TACC2: variants seen among roughly 807,000 people sequenced by gnomAD.
TACC2 encodes transforming acidic coiled-coil containing protein 2, also known as transforming acidic coiled-coil-containing protein 2.
TACC2 carries 137 observed loss-of-function variants against 227.3 expected under a neutral mutation model. The ratio of observed to expected loss-of-function variants is 0.60; its 90% CI spans 0.52 to 0.69. The LOEUF (loss-of-function observed/expected upper bound fraction) is 0.69. TACC2 is among the 30% of genes least tolerant of loss of function. The pLI, the probability that TACC2 is intolerant of heterozygous loss-of-function variation, is 0.00. For missense variants in TACC2, 3,470 were observed against 3,694.4 expected (o/e 0.94, Z 1.57); for synonymous variants, 1,523 against 1,487.5 (o/e 1.02, Z -0.55).
chr10:122,152,307 C>T (rs768251622), intron 7 of TACC2, among the ~76,000 whole-genome samples: 2 of 152,146 alleles, frequency 1.3e-5, no homozygotes, highest in Non-Finnish European at 2.9e-5. Flanking sequence ...TGAATAAAAT[C>T]AGAATGATTT....
chr10:122,038,980 T>G (rs1368333263), intron 2 of TACC2, among the ~76,000 whole-genome samples: 1 of 152,136 alleles, frequency 6.6e-6, no homozygotes, highest in East Asian at 1.9e-4. Flanking sequence ...TTTGCTTTTT[T>G]TCTGTTTTGT....
At position 122,210,587 on chromosome 10, in the gene TACC2, T is replaced by G; in HGVS notation, c.6162T>G (p.Pro2054=). 6.2e-7 allele frequency: 1 copy of G among 1,614,058 alleles called. No homozygotes were observed. Among genetic ancestry groups the G allele is most frequent in the Non-Finnish European group, 8.5e-7 (1 of 1,179,998 alleles). The change falls in exon 9 of 23, where the codon CCT becomes CCG. Residue 2054 remains proline (P), a synonymous_variant. Coordinates refer to ENST00000369005, the MANE Select transcript of TACC2 (RefSeq NM_206862.4). The surrounding 1 kb of genome is among the most constrained non-coding windows in gnomAD (Gnocchi z 4.6). ...ELVDTFQTLE[P]RASDAKNQEG... Reference sequence around the variant, plus strand: ...TGGATACCTTTCAGACCTTGGAGCCTCGTGCCTCAGACGCTAAGAATCAGG... The same window carrying G: ...TGGATACCTTTCAGACCTTGGAGCCGCGTGCCTCAGACGCTAAGAATCAGG...
chr10:122,009,927 A>G (rs1013607277), intron 1 of TACC2, among the ~76,000 whole-genome samples: 2 of 152,200 alleles, frequency 1.3e-5, no homozygotes, highest in African/African-American at 2.4e-5. Context: ...TCTGTTTTCA[A>G]TAAGGTTGCC....
At chr10:122,131,177 C>CAAA (rs10572276) in intron 5 of TACC2, among the ~76,000 whole-genome samples, 42 of 95,268 alleles carry the variant, frequency 4.4e-4, no homozygotes, top group African/African-American at 1.5e-3. Flanking sequence ...GACGCTTTCT[C>CAAA]AAAAAAAAAA....
chr10:122,097,536 G>T (rs1458604888), intron 5 of TACC2, among the ~76,000 whole-genome samples: 1 of 151,976 alleles, frequency 6.6e-6, no homozygotes, highest in Non-Finnish European at 1.5e-5. Flanking sequence ...GAGAAGAGCG[G>T]GGCTCTGAAG....
At chr10:122,030,645 T>C (rs1958823943) in intron 2 of TACC2, among the ~76,000 whole-genome samples, 1 of 151,806 alleles carries the variant, frequency 6.6e-6, no homozygotes, top group South Asian at 2.1e-4. Context: ...GATGTTTTTC[T>C]AGCTCTGCAA....
chr10:122,171,863 G>A (rs1402886793), intron 7 of TACC2, among the ~76,000 whole-genome samples: 2 of 152,218 alleles, frequency 1.3e-5, no homozygotes, highest in Non-Finnish European at 2.9e-5. Context: ...CCTTCCATGA[G>A]TCTTATTAGC....
intron 6 of TACC2, among the ~76,000 whole-genome samples, chr10:122,133,247 G>A (rs765579022): frequency 6.6e-5 from 10 of 152,062 alleles, no homozygotes; most frequent in Non-Finnish European, 1.0e-4. Context: ...CTTCTGCCAT[G>A]TCACCTCCCA....
chr10:122,196,404 G>A (rs2094569085), intron 8 of TACC2, among the ~76,000 whole-genome samples: 1 of 152,080 alleles, frequency 6.6e-6, no homozygotes, highest in Non-Finnish European at 1.5e-5. Context: ...CGTCTTTGAC[G>A]GCTCATCAGT....
chr10:122,086,319 G>A lies in TACC2; in HGVS notation c.3819G>A (p.Glu1273=). 2 of 1,613,856 alleles carry A rather than the reference G, an allele frequency of 1.2e-6. No homozygotes were observed. The highest frequency in any genetic ancestry group is 1.3e-5 in the African/African-American group (1 of 75,072). Residue 1273 remains glutamate (E), a synonymous_variant, in exon 4 of 23, where the codon GAG becomes GAA. Transcript: ENST00000369005. Reference sequence around the variant, plus strand: ...GCGAAAGCCCCTGTCCTGTAGGGGAGCCCCCACTTGCCTTGGAAAATGCTG... The same window carrying A: ...GCGAAAGCCCCTGTCCTGTAGGGGAACCCCCACTTGCCTTGGAAAATGCTG... The part of the protein sequence containing the change: ...APGESPCPVG[E]PPLALENAAS...
intron 19 of TACC2, among the ~76,000 whole-genome samples, chr10:122,246,062 G>A (rs1346220613): frequency 1.3e-5 from 2 of 152,126 alleles, no homozygotes; most frequent in East Asian, 3.9e-4. Flanking sequence ...AGGCAGGTGG[G>A]AAGGATATTC....
intron 5 of TACC2, among the ~76,000 whole-genome samples, chr10:122,116,452 A>G (rs2084715823): frequency 6.6e-6 from 1 of 152,140 alleles, no homozygotes; most frequent in Non-Finnish European, 1.5e-5. Context: ...CAAAGATCCT[A>G]TATTGGAGTT....
chr10:122,245,735 T>C (rs2096097548), intron 19 of TACC2, among the ~76,000 whole-genome samples: 1 of 152,158 alleles, frequency 6.6e-6, no homozygotes, highest in South Asian at 2.1e-4. Flanking sequence ...AGGCTCTTAA[T>C]AATGGGTTAC....
At chr10:121,995,089 G>T (rs1022746485) in intron 1 of TACC2, among the ~76,000 whole-genome samples, 1 of 152,152 alleles carries the variant, frequency 6.6e-6, no homozygotes, top group Admixed American at 6.5e-5. Context: ...AACCCCTAAG[G>T]CCCTGAGGGT....
intron 5 of TACC2, among the ~76,000 whole-genome samples, chr10:122,091,977 A>G (rs1362018362): frequency 6.6e-6 from 1 of 152,216 alleles, no homozygotes; most frequent in Non-Finnish European, 1.5e-5. Context: ...TGCCTCAAAG[A>G]ATTGCCATGA....
At position 122,229,359 on chromosome 10, in the gene TACC2, G is replaced by T; in HGVS notation, c.7910G>T (p.Gly2637Val). The change falls in exon 15 of 23, where the codon GGC becomes GTC. Residue 2637 changes from glycine to valine, a missense_variant. By Grantham distance (109) the Gly-to-Val change is moderately radical (BLOSUM62 -3). Around this residue, in one of 10 missense-constraint regions of TACC2, gnomAD observed 345 missense variants for 354.4 expected, o/e 0.97. Transcript: ENST00000369005. ...GCCGGCTTTCAGACAGCTCCCGAGG[G>T]CTCCTTTGCCTCTGCTGACGCCCTC... is the stretch of plus-strand genomic sequence containing the variant. ...SEAIEITAPE[G>V]SFASADALLS... 6.2e-7 allele frequency: 1 copy of T among 1,613,752 alleles called. No individual in the cohort carries two copies. The highest frequency in any genetic ancestry group is 1.1e-5 in the South Asian group (1 of 91,022).
At position 122,074,766 on chromosome 10, in the gene TACC2, T is replaced by A. The variant is rs138897756; in HGVS notation, c.147-7881T>A. On this transcript the variant is annotated intron_variant, in intron 3 of 22. Coordinates refer to ENST00000369005, the MANE Select transcript of TACC2 (RefSeq NM_206862.4). ...GAATAAAGACAGTGAATTGACTAGG[T>A]GACTGCAGAAGCTTATCTGTGTCAC... Among the ~76,000 whole-genome samples the A allele has an allele frequency of 3.5e-3, 532 of 152,240 alleles. 2 individuals carry two copies. Among genetic ancestry groups the A allele is most frequent in the Non-Finnish European group, 4.0e-3 (271 of 68,014 alleles).
chr10:122,212,156 T>G (rs1320415927), intron 9 of TACC2, among the ~76,000 whole-genome samples: 4 of 152,198 alleles, frequency 2.6e-5, no homozygotes, highest in Admixed American at 2.0e-4. Context: ...TAATGAGACA[T>G]TAGCCCAACC....
At chr10:122,077,392 A>T (rs1419987716) in intron 3 of TACC2, among the ~76,000 whole-genome samples, 1 of 152,200 alleles carries the variant, frequency 6.6e-6, no homozygotes, top group East Asian at 1.9e-4. Context: ...AGTGATGGGA[A>T]CCATGACTAG....
Sources: allele counts gnomAD v4.1 joint callset (sites outside exome capture counted in the v4.1 genomes callset), GRCh38; gene constraint gnomAD v4.1.1; regional missense constraint gnomAD v4.1.1; non-coding constraint Gnocchi (gnomAD v3.1); transcripts MANE v1.5; gene names NCBI Gene and HGNC (gene_info 2026-07-23, HGNC 2026-07-21).